The following DCP1B variants were observed in gnomAD, a reference collection of about 807,000 sequenced individuals.
The protein encoded by DCP1B is mRNA-decapping enzyme 1B.
A neutral mutation model predicts 60.5 loss-of-function variants in DCP1B; 47 were observed. The ratio of observed to expected loss-of-function variants is 0.78; its 90% confidence interval spans 0.61 to 0.99. The LOEUF (loss-of-function observed/expected upper bound fraction) is 0.99. Ranked by LOEUF, DCP1B falls within the 50% of genes least tolerant of loss-of-function variation. DCP1B has a pLI of 0.00. For synonymous variants in DCP1B, 267 were observed against 280.3 expected (o/e 0.95, Z 0.47); for missense variants, 725 against 756.8 (o/e 0.96, Z 0.49).
intron 3 of DCP1B, among the ~76,000 whole-genome samples, chr12:1,975,313 T>C (rs2033984820): frequency 6.6e-6 from 1 of 152,132 alleles, no homozygotes; most frequent in Admixed American, 6.5e-5. Context: ...AAAATTGTTT[T>C]CCTTCTTCAA....
At chr12:1,956,080 A>T (rs1239257607) in intron 5 of DCP1B, among the ~76,000 whole-genome samples, 8 of 152,230 alleles carry the variant, frequency 5.3e-5, no homozygotes, top group Non-Finnish European at 1.2e-4. Flanking sequence ...TTATTTAATA[A>T]ATGACTTCTT....
Position 1,952,520 on chromosome 12 carries a change from C to T in DCP1B, c.1420G>A (p.Ala474Thr), listed in dbSNP as rs1475082839. 7 of 1,614,058 alleles carry T rather than the reference C, an allele frequency of 4.3e-6. No homozygotes were observed. Among genetic ancestry groups the T allele is most frequent in the African/African-American group, 1.3e-5 (1 of 74,904 alleles). ...TGAGCGAGCACAGGAAACTTAGCGG[C>T]CAAGGCTGGCCGGTTAGAGGCATGC... ...QLHASNRPAL[A>T]AKFPVLAQSS... The change falls in exon 7 of 9, where the codon GCC becomes ACC. Residue 474 changes from alanine (A) to threonine (T), a missense_variant. Ala to Thr is a moderately conservative substitution (Grantham distance 58). Coordinates refer to ENST00000280665, the MANE Select transcript of DCP1B (RefSeq NM_152640.5).
Position 1,950,506 on chromosome 12 carries a change from A to T in DCP1B, c.1525-1172T>A, listed in dbSNP as rs554820242. 9.1e-5 allele frequency: 62 copies of T among 680,290 alleles called. 1 individual carries two copies. The South Asian group carries it at 9.6e-4, about 11-fold the overall frequency. 42.1% of individuals were successfully genotyped at this position (680,290 alleles called of 1,614,324 possible). ...AAAAAGGGACAATAACACTGAAATG[A>T]GGGGGAGTGGGAGTTATAAATATTG... is the stretch of plus-strand genomic sequence containing the variant. On this transcript the variant is annotated intron_variant, in intron 7 of 8. Coordinates refer to ENST00000280665, the MANE Select transcript of DCP1B (RefSeq NM_152640.5).
At chr12:1,978,103 G>T (rs538844556) in intron 3 of DCP1B, among the ~76,000 whole-genome samples, 1 of 152,086 alleles carries the variant, frequency 6.6e-6, no homozygotes, top group Admixed American at 6.6e-5. Flanking sequence ...TAAGTTATAC[G>T]GTTTCCATAT....
downstream of DCP1B, among the ~76,000 whole-genome samples, chr12:1,945,248 C>G: frequency 6.6e-6 from 1 of 152,108 alleles, no homozygotes; most frequent in East Asian, 1.9e-4. Context: ...ACACCAGTTA[C>G]AATGGTGATC....
chr12:1,989,075 T>C (rs1418833347), intron 3 of DCP1B, among the ~76,000 whole-genome samples: 1 of 152,228 alleles, frequency 6.6e-6, no homozygotes, highest in African/African-American at 2.4e-5. Context: ...ATTCAACTTG[T>C]TGGCCTAGCT....
intron 2 of DCP1B, among the ~76,000 whole-genome samples, chr12:1,996,400 C>G (rs2040795715): frequency 6.6e-6 from 1 of 151,926 alleles, no homozygotes; most frequent in African/African-American, 2.4e-5. Flanking sequence ...CTTTAACACA[C>G]CAGGTTCTCC....
rs1178313067 is a variant in DCP1B at position 1,993,371 on chromosome 12, C to T, written c.212G>A (p.Gly71Glu). Residue 71 changes from glycine (G) to glutamate (E), a missense_variant, in exon 3 of 9, where the codon GGA (glycine) becomes GAA (glutamate). Transcript: ENST00000280665. ...VYTRSASPKH[G>E]FTIMNRLSME... Reference sequence around the variant, plus strand: ...GCTCAGCCTATTCATAATGGTGAATCCATGCTTTGGAGAAGCAGACCTAAA... The same window carrying T: ...GCTCAGCCTATTCATAATGGTGAATTCATGCTTTGGAGAAGCAGACCTAAA... The T allele has an allele frequency of 3.7e-6, 6 of 1,612,288 alleles. No individual in the cohort carries two copies. The highest frequency in any genetic ancestry group is 1.3e-5 in the African/African-American group (1 of 74,852).
chr12:1,998,086 A>G (rs1445381282), intron 1 of DCP1B, 111 bp from the exon 2 acceptor site: 11 of 827,184 alleles, frequency 1.3e-5, no homozygotes, highest in Non-Finnish European at 2.0e-5. Flanking sequence ...TGGGCCAAAT[A>G]TACCCAACAT....
rs2030546590 is a variant in DCP1B at position 1,948,967 on chromosome 12, C to T, written c.1773+119G>A. 7.4e-7 allele frequency: 1 copy of T among 1,351,120 alleles called. No individual in the cohort carries two copies. Among genetic ancestry groups the T allele is most frequent in the Non-Finnish European group, 1.0e-6 (1 of 984,390 alleles). The allele number at this position is 1,351,120 out of a possible 1,614,324, so 83.7% of individuals were successfully genotyped here. On this transcript the variant is annotated intron_variant, in intron 8 of 8. Coordinates refer to ENST00000280665, the MANE Select transcript of DCP1B (RefSeq NM_152640.5). The surrounding 1 kb of genome is among the most constrained non-coding windows in gnomAD (Gnocchi z 4.8). ...CCGCTGGGGTCAGGATGAGTTGTTA[C>T]ACACACCTGTTATTCTCACGGAAGC...
At chr12:1,974,469 C>G (rs1001335708) in intron 3 of DCP1B, among the ~76,000 whole-genome samples, 2 of 152,188 alleles carry the variant, frequency 1.3e-5, no homozygotes, top group African/African-American at 4.8e-5. Context: ...TATGTAGACA[C>G]TAATGTACTC....
intron 6 of DCP1B, 78 bp downstream of exon 6, chr12:1,955,354 C>T (rs2030844233): frequency 1.3e-6 from 2 of 1,491,018 alleles, no homozygotes; most frequent in African/African-American, 2.8e-5. Context: ...ACCAGGCCCT[C>T]CCCTGACTAT....
intron 3 of DCP1B, chr12:1,970,861 G>A (rs2032009123): frequency 3.4e-6 from 1 of 296,016 alleles, no homozygotes; most frequent in African/African-American, 2.2e-5. Context: ...GTTTTGTTTT[G>A]TTTTTTAGAA....
At chr12:2,001,416 T>C (rs2042172466) in intron 1 of DCP1B, among the ~76,000 whole-genome samples, 1 of 152,164 alleles carries the variant, frequency 6.6e-6, no homozygotes, top group Admixed American at 6.5e-5. Flanking sequence ...ATCTAACAAG[T>C]GCTAAAGAAA....
In DCP1B at chr12:1,987,399, AT is replaced by A. The variant is rs199547359; in HGVS notation, c.319+5864del. ...AATTATGTTTTTTATGAGAGAATGT[AT>A]TTTGATATCCAATTATATTTTTGGT... On this transcript the variant is annotated intron_variant, in intron 3 of 8. Coordinates refer to ENST00000280665, the MANE Select transcript of DCP1B (RefSeq NM_152640.5). Among the ~76,000 whole-genome samples the A allele has an allele frequency of 9.0e-3, 1,375 of 152,326 alleles. 25 individuals are homozygous for A. The highest frequency in any genetic ancestry group is 0.031 in the African/African-American group (1,306 of 41,570).
rs1286348143 is a variant in DCP1B at position 1,946,094 on chromosome 12, A to AC, written c.*111dup. ...AAACATTTTACTTCATATTACACAT[A>AC]CTTTTTTTTTAAAAAAGGCAGAAAC... On this transcript the variant is annotated 3_prime_UTR_variant, in exon 9 of 9. Transcript: ENST00000280665. 1.3e-6 allele frequency: 1 copy of AC among 798,108 alleles called. No individual in the cohort carries two copies. Among genetic ancestry groups the AC allele is most frequent in the Non-Finnish European group, 1.9e-6 (1 of 526,644 alleles). The allele number at this position is 798,108 out of a possible 1,614,324, so 49.4% of individuals were successfully genotyped here. A position where few individuals can be genotyped will look rare whatever the true frequency, so the allele number is the denominator to read the frequency against.
intron 2 of DCP1B, among the ~76,000 whole-genome samples, chr12:1,995,560 C>T (rs1306155743): frequency 1.3e-5 from 2 of 152,222 alleles, no homozygotes; most frequent in Non-Finnish European, 2.9e-5. Flanking sequence ...AGTGTGCTGG[C>T]CTTGCCTCCC....
downstream of DCP1B, among the ~76,000 whole-genome samples, chr12:1,945,832 A>G (rs1301395986): frequency 6.6e-6 from 1 of 152,160 alleles, no homozygotes; most frequent in Non-Finnish European, 1.5e-5. Context: ...GAATTGAACA[A>G]TGAGAACACA....
At chr12:1,959,479 G>A (rs1415303912) in intron 5 of DCP1B, among the ~76,000 whole-genome samples, 2 of 152,226 alleles carry the variant, frequency 1.3e-5, no homozygotes, top group Admixed American at 6.5e-5. Flanking sequence ...CAATAGGTAT[G>A]TGAAAAATGC....
Sources: gnomAD v4.1 joint callset for allele counts (sites outside exome capture counted in the v4.1 genomes callset) on GRCh38, gnomAD v4.1.1 for gene constraint, Gnocchi (gnomAD v3.1) non-coding constraint, MANE v1.5 for transcripts, NCBI Gene and HGNC (gene_info 2026-07-23, HGNC 2026-07-21) for gene names.